Variants in PTGS2 observed in about 807,000 individuals in gnomAD.
PTGS2 encodes prostaglandin-endoperoxide synthase 2, also known as prostaglandin G/H synthase 2.
PTGS2 carries 14 observed loss-of-function variants against 63.8 expected under a neutral mutation model. The observed-to-expected ratio is 0.22, with a 90% CI of 0.14 to 0.34. The LOEUF is 0.34. Ranked by LOEUF, PTGS2 falls within the 10% of genes least tolerant of loss-of-function variation. The pLI, the probability that PTGS2 is intolerant of heterozygous loss-of-function variation, is 1.00. For missense variants in PTGS2, 533 were observed against 738.5 expected (o/e 0.72, Z 3.23); for synonymous variants, 271 against 259.5 (o/e 1.04, Z -0.43).
rs1378205188 is a variant in PTGS2 at position 186,672,009 on chromosome 1, AC to A, written c.*2343del. On this transcript the variant is annotated 3_prime_UTR_variant, in exon 10 of 10. Coordinates refer to ENST00000367468, the MANE Select transcript of PTGS2 (RefSeq NM_000963.4). Reference sequence around the variant, plus strand: ...GTTTTTTTTTTAAAAAAAACAGTGAACAGTGTTTTATACAAGCATATTGACT... The same window carrying A: ...GTTTTTTTTTTAAAAAAAACAGTGAAAGTGTTTTATACAAGCATATTGACT... 2 of 152,078 alleles carry A rather than the reference AC, an allele frequency of 1.3e-5. No homozygotes were observed. The highest frequency in any genetic ancestry group is 6.5e-5 in the Admixed American group (1 of 15,268). 9.4% of individuals were successfully genotyped at this position (152,078 alleles called of 1,614,324 possible). A position where few individuals can be genotyped will look rare whatever the true frequency, so the allele number is the denominator to read the frequency against.
chr1:186,680,242 T>C lies in PTGS2; in HGVS notation c.49A>G (p.Thr17Ala), dbSNP rs199946406. 102 of 1,548,908 alleles carry C rather than the reference T, an allele frequency of 6.6e-5. No individual in the cohort carries two copies. The highest frequency in any genetic ancestry group is 8.1e-5 in the Non-Finnish European group (93 of 1,146,474). The change falls in exon 1 of 10, where the codon ACA (threonine) becomes GCA (alanine). Residue 17 changes from threonine to alanine, a missense_variant. This residue lies in a region of PTGS2 where 118 missense variants were observed against 144.6 expected (regional missense o/e 0.82). Transcript: ENST00000367468. ...GTGCGCGGCGCCAGGTACTCACCTG[T>C]ATGGCTGAGCGCCAGGACCGCGCAC... is the stretch of plus-strand genomic sequence containing the variant. ...LLCAVLALSH[T>A]ANPCCSHPCQ...
At position 186,678,298 on chromosome 1, in the gene PTGS2, A is replaced by G. The variant is rs199972508; in HGVS notation, c.420T>C (p.Pro140=). Reference sequence around the variant, plus strand: ...AGGGAGTCGGGCAATCATCAGGCACAGGAGGAAGGGCTCTAGTATAATAGG... The same window carrying G: ...AGGGAGTCGGGCAATCATCAGGCACGGGAGGAAGGGCTCTAGTATAATAGG... ...NLSYYTRALP[P]VPDDCPTPLG... is the part of the protein sequence containing the mutation. The change falls in exon 4 of 10, where the codon CCT becomes CCC. Residue 140 remains proline, a synonymous_variant. Coordinates refer to ENST00000367468, the MANE Select transcript of PTGS2 (RefSeq NM_000963.4). 44 of 1,612,454 alleles carry G rather than the reference A, an allele frequency of 2.7e-5. 1 individual carries two copies. Among genetic ancestry groups the G allele is most frequent in the Non-Finnish European group, 3.6e-5 (42 of 1,179,138 alleles).
Position 186,676,892 on chromosome 1 carries a change from C to T in PTGS2, c.664G>A (p.Glu222Lys). 6.2e-7 allele frequency: 1 copy of T among 1,607,082 alleles called. No homozygotes were observed. Among genetic ancestry groups the T allele is most frequent in the Non-Finnish European group, 8.5e-7 (1 of 1,177,614 alleles). ...AGTTTACGCTGTCTAGCCAGAGTTT[C>T]ACCGTAAATATGATTTAAGTCCACC... ...HGVDLNHIYGETLARQRKLRL... is the reference protein window; with the variant it reads ...HGVDLNHIYGKTLARQRKLRL... The change falls in exon 6 of 10, where the codon GAA becomes AAA. Residue 222 changes from glutamate to lysine, a missense_variant. This residue lies in a region of PTGS2 where 118 missense variants were observed against 138.7 expected (regional missense o/e 0.85). Coordinates refer to ENST00000367468, the MANE Select transcript of PTGS2 (RefSeq NM_000963.4).
chr1:186,676,820 A>G lies in PTGS2; in HGVS notation c.723+13T>C. 6.2e-7 allele frequency: 1 copy of G among 1,608,760 alleles called. No individual in the cohort carries two copies. The highest frequency in any genetic ancestry group is 8.5e-7 in the Non-Finnish European group (1 of 1,178,022). On this transcript the variant is annotated intron_variant, in intron 6 of 9. Coordinates refer to ENST00000367468, the MANE Select transcript of PTGS2 (RefSeq NM_000963.4). ...CGGTAATAACTAAGTCTTAATAGTC[A>G]AAGGAAGCATACCTGATATTTCATT... is the stretch of plus-strand genomic sequence containing the variant.
At chr1:186,677,319 T>C (rs528907538) in intron 5 of PTGS2, among the ~76,000 whole-genome samples, 2 of 152,338 alleles carry the variant, frequency 1.3e-5, no homozygotes, top group Non-Finnish European at 2.9e-5. Flanking sequence ...GGCATAATCA[T>C]GGTACAATGT....
chr1:186,678,425 A>G lies in PTGS2; in HGVS notation c.314-21T>C, dbSNP rs772450853. The G allele has an allele frequency of 4.5e-6, 7 of 1,572,378 alleles. No individual in the cohort carries two copies. The South Asian group carries it at 5.9e-5, about 13-fold the overall frequency. The stretch of plus-strand genomic sequence containing the variant: ...TCTGGCTGAAATTTTCAAAGAAAAA[A>G]ATGTTTTATTTATTCTCATTTGTTA... On this transcript the variant is annotated intron_variant, in intron 3 of 9. Coordinates refer to ENST00000367468, the MANE Select transcript of PTGS2 (RefSeq NM_000963.4).
intron 4 of PTGS2, 46 bp downstream of exon 4, chr1:186,678,215 G>A (rs764942765): frequency 1.3e-6 from 2 of 1,492,446 alleles, no homozygotes; most frequent in Non-Finnish European, 1.8e-6. Flanking sequence ...CAGCAATGCA[G>A]CCCGTCTTAT....
chr1:186,676,426 C>G, intron 7 of PTGS2, 41 bp downstream of exon 7: 1 of 1,596,316 alleles, frequency 6.3e-7, no homozygotes, highest in Non-Finnish European at 8.5e-7. Context: ...ACTAATTTTC[C>G]CTGGGGAAGA....
chr1:186,678,052 T>C (rs2102006794), intron 4 of PTGS2, among the ~76,000 whole-genome samples: 1 of 152,350 alleles, frequency 6.6e-6, no homozygotes, highest in African/African-American at 2.4e-5. Flanking sequence ...AATTTGAAAA[T>C]ATTAAGACAT....
At position 186,675,259 on chromosome 1, in the gene PTGS2, T is replaced by G; in HGVS notation, c.1395A>C (p.Glu465Asp). The stretch of plus-strand genomic sequence containing the variant: ...GAAACTGTTTCTTACCTGTAAGTTC[T>G]TCAAATGATTCATAGGGCTTCAGCA... ...RFMLKPYESF[E>D]ELTGEKEMSA... Residue 465 changes from glutamate to aspartate, a missense_variant, in exon 9 of 10, where the codon GAA becomes GAC. Physicochemically the swap from Glu to Asp is conservative, Grantham distance 45. Around this residue, in one of 5 missense-constraint regions of PTGS2, gnomAD observed 219 missense variants for 267.4 expected, o/e 0.82. Coordinates refer to ENST00000367468, the MANE Select transcript of PTGS2 (RefSeq NM_000963.4). 1 of 1,612,036 alleles carries G rather than the reference T, an allele frequency of 6.2e-7. No individual in the cohort carries two copies. The highest frequency in any genetic ancestry group is 8.5e-7 in the Non-Finnish European group (1 of 1,179,612).
In PTGS2 at chr1:186,675,121, G is replaced by T; in HGVS notation, c.1405+128C>A. 3 of 1,222,220 alleles carry T rather than the reference G, an allele frequency of 2.5e-6. 1 individual carries two copies. The highest frequency in any genetic ancestry group is 5.6e-4 in the Middle Eastern group (2 of 3,558). The allele number at this position is 1,222,220 out of a possible 1,614,324, so 75.7% of individuals were successfully genotyped here. On this transcript the variant is annotated intron_variant, in intron 9 of 9. Coordinates refer to ENST00000367468, the MANE Select transcript of PTGS2 (RefSeq NM_000963.4). ...GAACCCAGGAGGCGGAGGTTGCAGT[G>T]AGCCGAGATGGCGCCACTGCACTCC... is the stretch of plus-strand genomic sequence containing the variant.
Position 186,676,084 on chromosome 1 carries a change from G to A in PTGS2, c.1071C>T (p.Phe357=), listed in dbSNP as rs1665774687. ...FDPELLFNKQ[F]QYQNRIAAEF... Reference sequence around the variant, plus strand: ...CAGCAGCAATACGATTTTGGTACTGGAATTGTTTGTTGAAAAGTAGTTCTG... The same window carrying A: ...CAGCAGCAATACGATTTTGGTACTGAAATTGTTTGTTGAAAAGTAGTTCTG... Residue 357 remains phenylalanine (F), a synonymous_variant, in exon 8 of 10, where the codon TTC becomes TTT. Transcript: ENST00000367468. 6.2e-7 allele frequency: 1 copy of A among 1,614,116 alleles called. No individual in the cohort carries two copies. Among genetic ancestry groups the A allele is most frequent in the Admixed American group, 1.7e-5 (1 of 60,026 alleles).
rs746514317 is a variant in PTGS2 at position 186,677,769 on chromosome 1, G to A, written c.519C>T (p.Phe173=). Residue 173 remains phenylalanine (F), a synonymous_variant, in exon 5 of 10, where the codon TTC becomes TTT. Transcript: ENST00000367468. ...IVEKLLLRRK[F]IPDPQGSNMM... ...TGTTTGAGCCCTGGGGATCAGGGATGAACTTTCTTCTTAGAAGCAATTTTT... is the reference window on the plus strand; with the variant it reads ...TGTTTGAGCCCTGGGGATCAGGGATAAACTTTCTTCTTAGAAGCAATTTTT... The A allele has an allele frequency of 6.2e-7, 1 of 1,613,784 alleles. No homozygotes were observed. Among genetic ancestry groups the A allele is most frequent in the Non-Finnish European group, 8.5e-7 (1 of 1,179,896 alleles).
At chr1:186,676,361 T>C (rs544860708) in intron 7 of PTGS2, 106 bp downstream of exon 7, 122 of 1,464,522 alleles carry the variant, frequency 8.3e-5, no homozygotes, top group Non-Finnish European at 1.1e-4. Context: ...ATAGAATGTG[T>C]GAGTTTTCAT....
rs1318218175 is a variant in PTGS2 at position 186,672,713 on chromosome 1, A to G, written c.*1640T>C. 3.3e-5 allele frequency: 5 copies of G among 152,558 alleles called. No homozygotes were observed. The highest frequency in any genetic ancestry group is 1.2e-4 in the African/African-American group (5 of 41,426). 9.5% of individuals were successfully genotyped at this position (152,558 alleles called of 1,614,324 possible). A position where few individuals can be genotyped will look rare whatever the true frequency, so the allele number is the denominator to read the frequency against. On this transcript the variant is annotated 3_prime_UTR_variant, in exon 10 of 10. Coordinates refer to ENST00000367468, the MANE Select transcript of PTGS2 (RefSeq NM_000963.4). The stretch of plus-strand genomic sequence containing the variant: ...TTAGATATCATTTGGTTTTGTTTTT[A>G]AATAAGAAAGGGCATTAATTAGAAT...
intron 1 of PTGS2, 72 bp from the exon 2 acceptor site, chr1:186,679,510 C>A: frequency 8.8e-7 from 1 of 1,130,392 alleles, no homozygotes; most frequent in Non-Finnish European, 1.3e-6. Context: ...AATTGTTTGA[C>A]TATGAATCAA....
rs1487082197 is a variant in PTGS2 at position 186,676,887 on chromosome 1, A to T, written c.669T>A (p.Thr223=). The change falls in exon 6 of 10, where the codon ACT becomes ACA. Residue 223 remains threonine, a synonymous_variant. Transcript: ENST00000367468. ...GVDLNHIYGE[T]LARQRKLRLF... ...GGCGCAGTTTACGCTGTCTAGCCAG[A>T]GTTTCACCGTAAATATGATTTAAGT... The T allele has an allele frequency of 6.2e-7, 1 of 1,607,790 alleles. No homozygotes were observed. Among genetic ancestry groups the T allele is most frequent in the African/African-American group, 1.3e-5 (1 of 74,794 alleles).
At chr1:186,679,260 T>G in intron 2 of PTGS2, 59 bp from the exon 3 acceptor site, 1 of 1,612,482 alleles carries the variant, frequency 6.2e-7, no homozygotes, top group Non-Finnish European at 8.5e-7. Flanking sequence ...AAGACACAAA[T>G]CTATACAATG....
rs1454050687 is a variant in PTGS2 at position 186,672,890 on chromosome 1, G to T, written c.*1463C>A. ...AATAAGTGTATACTATTTTTAAAAG[G>T]GCCTTTTTTTTTCTCTTTTAATCTT... On this transcript the variant is annotated 3_prime_UTR_variant, in exon 10 of 10. Transcript: ENST00000367468. 3 of 151,882 alleles carry T rather than the reference G, an allele frequency of 2.0e-5. No homozygotes were observed. Among genetic ancestry groups the T allele is most frequent in the Non-Finnish European group, 2.9e-5 (2 of 67,954 alleles). 9.4% of individuals were successfully genotyped at this position (151,882 alleles called of 1,614,324 possible).
Sources: gnomAD v4.1 joint callset for allele counts (sites outside exome capture counted in the v4.1 genomes callset) on GRCh38, gnomAD v4.1.1 for gene constraint, gnomAD v4.1.1 regional missense constraint, MANE v1.5 for transcripts, NCBI Gene and HGNC (gene_info 2026-07-23, HGNC 2026-07-21) for gene names.